PKD1L3: variants seen among roughly 807,000 people sequenced by gnomAD.
The protein encoded by PKD1L3 is polycystin 1 like 3, transient receptor potential channel interacting, also known as polycystin-1-like protein 3.
PKD1L3 carries 239 observed loss-of-function variants against 184.1 expected under a neutral mutation model. That is an observed-to-expected ratio of 1.30 (90% CI 1.17 to 1.45). The LOEUF is 1.45. PKD1L3 is among the 40% of genes most tolerant of loss of function. PKD1L3 has a pLI of 0.00. For synonymous variants in PKD1L3, 996 were observed against 778.8 expected (o/e 1.28, Z -4.64); for missense variants, 2,660 against 2,067.2 (o/e 1.29, Z -5.56).
At position 71,935,520 on chromosome 16, in the gene PKD1L3, T is replaced by G; in HGVS notation, c.4453-2A>C. 6.4e-7 allele frequency: 1 copy of G among 1,551,910 alleles called. No homozygotes were observed. On this transcript the variant is annotated splice_acceptor_variant, in intron 25 of 29. Transcript: ENST00000620267. LOFTEE classifies it high-confidence loss of function. Reference sequence around the variant, plus strand: ...CTTCTGCTGTTTCAGCTGACAACCCTAAACATAGACAGCACAGTCACTGTT... The same window carrying G: ...CTTCTGCTGTTTCAGCTGACAACCCGAAACATAGACAGCACAGTCACTGTT...
At chr16:71,978,202 G>A (rs2040002254) in intron 10 of PKD1L3, 53 bp downstream of exon 10, 39 of 1,509,178 alleles carry the variant, frequency 2.6e-5, no homozygotes, top group Non-Finnish European at 3.2e-5. Flanking sequence ...CTTCCATCCT[G>A]TTGCAGAATA....
At chr16:71,985,796 G>C (rs2040336042) in intron 5 of PKD1L3, among the ~76,000 whole-genome samples, 1 of 152,110 alleles carries the variant, frequency 6.6e-6, no homozygotes, top group African/African-American at 2.4e-5. Context: ...AAAACTCCTG[G>C]GCTCAAGTGA....
intron 16 of PKD1L3, 26 bp from the exon 17 acceptor site, chr16:71,954,327 A>G (rs1290601438): frequency 9.5e-6 from 14 of 1,468,774 alleles, no homozygotes; most frequent in Non-Finnish European, 1.3e-5. Context: ...AGAAGAGGAA[A>G]TACATGAGAT....
chr16:71,980,886 T>C (rs565317703), intron 7 of PKD1L3, among the ~76,000 whole-genome samples: 9 of 152,252 alleles, frequency 5.9e-5, no homozygotes, highest in East Asian at 3.9e-4. Context: ...CATTCCCTCA[T>C]CCCTAGTCCC....
chr16:71,933,702 A>G (rs2038072975), intron 27 of PKD1L3, among the ~76,000 whole-genome samples, 181 bp from the exon 28 acceptor site: 1 of 152,140 alleles, frequency 6.6e-6, no homozygotes, highest in South Asian at 2.1e-4. Context: ...AGTTTATTTG[A>G]CCTTTATATT....
At chr16:71,967,803 G>C in intron 14 of PKD1L3, 103 bp downstream of exon 14, 1 of 937,126 alleles carries the variant, frequency 1.1e-6, no homozygotes, top group Non-Finnish European at 1.6e-6. Context: ...CCAATCTCTA[G>C]TCTCTTTTAA....
intron 17 of PKD1L3, 64 bp from the exon 18 acceptor site, chr16:71,953,157 T>G: frequency 7.7e-7 from 1 of 1,306,420 alleles, no homozygotes. Flanking sequence ...AAGTCATTCC[T>G]CTCCTAGGTT....
chr16:71,960,976 G>C (rs888545657), intron 16 of PKD1L3, among the ~76,000 whole-genome samples: 1 of 152,046 alleles, frequency 6.6e-6, no homozygotes, highest in Non-Finnish European at 1.5e-5. Context: ...TTTGGTGAAG[G>C]AGAGAAAATT....
intron 4 of PKD1L3, among the ~76,000 whole-genome samples, 169 bp downstream of exon 4, chr16:71,990,111 G>C (rs550118093): frequency 6.8e-6 from 1 of 146,574 alleles, no homozygotes; most frequent in African/African-American, 2.5e-5. Flanking sequence ...AAAAATCCTT[G>C]AATGAAGTAC....
chr16:71,943,056 T>G (rs1308486755), intron 23 of PKD1L3, 32 bp from the exon 24 acceptor site: 8 of 1,472,796 alleles, frequency 5.4e-6, no homozygotes, highest in Non-Finnish European at 6.5e-6. Context: ...ATGTCATAGT[T>G]GAGTGGTTAA....
chr16:71,990,103 A>G, intron 4 of PKD1L3, among the ~76,000 whole-genome samples, 177 bp downstream of exon 4: 1 of 150,172 alleles, frequency 6.7e-6, no homozygotes, highest in Non-Finnish European at 1.5e-5. Flanking sequence ...AAAAAAAAAA[A>G]AATCCTTGAA....
At position 71,945,341 on chromosome 16, in the gene PKD1L3, CAT is replaced by C. The variant is rs1214097234; in HGVS notation, c.3719-1173_3719-1172del. Among the ~76,000 whole-genome samples the C allele has an allele frequency of 1.2e-4, 13 of 104,190 alleles. 1 individual carries two copies. The highest frequency in any genetic ancestry group is 9.6e-3 in the Middle Eastern group (2 of 208). The allele number at this position is 104,190 out of a possible 152,430, so 68.4% of individuals were successfully genotyped here. On this transcript the variant is annotated intron_variant, in intron 22 of 29. Coordinates refer to ENST00000620267, the MANE Select transcript of PKD1L3 (RefSeq NM_181536.2). ...ACACACATATATACACACACACACA[CAT>C]ATATTTATATATGTATTTATATACA...
At chr16:71,971,104 TC>T (rs1387330736) in intron 12 of PKD1L3, among the ~76,000 whole-genome samples, 2 of 151,856 alleles carry the variant, frequency 1.3e-5, no homozygotes, top group Non-Finnish European at 2.9e-5. Context: ...AAGAATGAAT[TC>T]CCCCCTCAAA....
In PKD1L3 at chr16:71,989,181, G is replaced by C. The variant is rs188819376; in HGVS notation, c.585+1099C>G. ...TGTTTTGTTTTGTTTTTGAGATGCA[G>C]TCTCCCTCTGTCGCCCAAGCTGGAG... On this transcript the variant is annotated intron_variant, in intron 4 of 29. Transcript: ENST00000620267. Among the ~76,000 whole-genome samples, 15 of 152,298 alleles carry C rather than the reference G, an allele frequency of 9.8e-5. No individual in the cohort carries two copies. In the East Asian group the frequency reaches 2.9e-3, roughly 29 times the overall value.
Position 71,933,951 on chromosome 16 carries a change from CAGCAG to C in PKD1L3, c.4783_4787del (p.Leu1595AspfsTer14), listed in dbSNP as rs1296157640. 13 of 1,551,390 alleles carry C rather than the reference CAGCAG, an allele frequency of 8.4e-6. No homozygotes were observed. In the African/African-American group the frequency reaches 1.8e-4, roughly 21 times the overall value. On this transcript the variant is annotated frameshift_variant, in exon 27 of 30. Transcript: ENST00000620267. LOFTEE classifies it high-confidence loss of function. ...AGCCTGTCAGCAGGATTAGGATGAT[CAGCAG>C]AAAGCCCACCACCTCGTCCCAGGCT...
chr16:71,989,184 T>C (rs2040492733), intron 4 of PKD1L3, among the ~76,000 whole-genome samples: 1 of 152,236 alleles, frequency 6.6e-6, no homozygotes, highest in South Asian at 2.1e-4. Context: ...AGATGCAGTC[T>C]CCCTCTGTCG....
chr16:71,978,094 G>A (rs1287514583), intron 10 of PKD1L3, among the ~76,000 whole-genome samples, 161 bp downstream of exon 10: 1 of 152,150 alleles, frequency 6.6e-6, no homozygotes, highest in Admixed American at 6.5e-5. Flanking sequence ...CTTTTTCTAA[G>A]GATAAGGTGT....
rs373978415 is a variant in PKD1L3, at chr16:71,980,093, A to G, written c.1185T>C (p.Asn395=). 9.7e-4 allele frequency: 1,504 copies of G among 1,551,718 alleles called. 2 individuals carry two copies. Among genetic ancestry groups the G allele is most frequent in the Non-Finnish European group, 1.2e-3 (1,383 of 1,146,968 alleles). Residue 395 remains asparagine, a synonymous_variant, in exon 8 of 30, where the codon AAT becomes AAC. Coordinates refer to ENST00000620267, the MANE Select transcript of PKD1L3 (RefSeq NM_181536.2). ...ILEMSLVEFG[N]IGEAFLEQNQ... ...TCTGCTCTAGAAATGCTTCCCCGAT[A>G]TTCCCAAACTCCACCAAGGACATTT...
chr16:71,946,124 A>G (rs2038594855), intron 22 of PKD1L3, among the ~76,000 whole-genome samples: 1 of 152,012 alleles, frequency 6.6e-6, no homozygotes. Flanking sequence ...ACACCCAGCT[A>G]ATTTTGTATT....
Sources: gnomAD v4.1 joint callset for allele counts (sites outside exome capture counted in the v4.1 genomes callset) on GRCh38, gnomAD v4.1.1 for gene constraint, MANE v1.5 for transcripts, NCBI Gene and HGNC (gene_info 2026-07-23, HGNC 2026-07-21) for gene names.